Variants in TASP1 observed in about 807,000 individuals in gnomAD.
TASP1 encodes the protein threonine aspartase 1.
In TASP1, 16 loss-of-function variants were observed where a neutral mutation model predicts 56.6. The ratio of observed to expected loss-of-function variants is 0.28; its 90% confidence interval spans 0.19 to 0.43. The LOEUF (loss-of-function observed/expected upper bound fraction) is 0.43. Ranked by LOEUF, TASP1 falls within the 20% of genes least tolerant of loss-of-function variation. The probability of loss-of-function intolerance (pLI) is 1.00; values close to 1 mark genes in which losing one functional copy is unlikely to be tolerated. For synonymous variants in TASP1, 179 were observed against 184.2 expected (o/e 0.97, Z 0.23); for missense variants, 393 against 511.6 (o/e 0.77, Z 2.24).
intron 11 of TASP1, among the ~76,000 whole-genome samples, chr20:13,475,563 C>A (rs1318548297): frequency 2.0e-5 from 3 of 152,064 alleles, no homozygotes; most frequent in Non-Finnish European, 4.4e-5. Flanking sequence ...ATTTAAAACA[C>A]ACATTTCATA....
At chr20:13,517,902 C>A (rs992546196) in intron 10 of TASP1, among the ~76,000 whole-genome samples, 5 of 152,046 alleles carry the variant, frequency 3.3e-5, no homozygotes, top group African/African-American at 1.2e-4. Flanking sequence ...ATAATTACTT[C>A]AGTTCTTAGA....
the TASP1 span, among the ~76,000 whole-genome samples, chr20:13,118,448 GGA>G: frequency 9.2e-6 from 1 of 108,720 alleles, no homozygotes; most frequent in African/African-American, 3.6e-5. Flanking sequence ...AGAGGTTTGT[GGA>G]AAAAAAAAAC....
At chr20:13,495,691 G>T (rs976595867) in intron 10 of TASP1, among the ~76,000 whole-genome samples, 3 of 151,992 alleles carry the variant, frequency 2.0e-5, no homozygotes, top group African/African-American at 7.3e-5. Context: ...ACTCTTCAAG[G>T]TTTTCATTTG....
At chr20:13,146,927 CCT>C in the TASP1 span, among the ~76,000 whole-genome samples, 1 of 152,218 alleles carries the variant, frequency 6.6e-6, no homozygotes, top group Admixed American at 6.5e-5. Flanking sequence ...GATCTCCAAG[CCT>C]CTGTTTCCTC....
intron 8 of TASP1, among the ~76,000 whole-genome samples, chr20:13,552,028 A>C (rs1475581744): frequency 6.6e-6 from 1 of 152,238 alleles, no homozygotes; most frequent in East Asian, 1.9e-4. Flanking sequence ...ATTGAAGGAA[A>C]CATCACAGGA....
At chr20:13,222,147 TGTCTGTCACGG>T in the TASP1 span, among the ~76,000 whole-genome samples, 5 of 152,238 alleles carry the variant, frequency 3.3e-5, no homozygotes, top group East Asian at 9.7e-4. Flanking sequence ...CCTTCAGTTC[TGTCTGTCACGG>T]GTCAGGTGCG....
intron 8 of TASP1, among the ~76,000 whole-genome samples, chr20:13,551,926 T>C (rs1447785191): frequency 6.6e-6 from 1 of 152,162 alleles, no homozygotes; most frequent in Non-Finnish European, 1.5e-5. Flanking sequence ...GGCAATTTTG[T>C]AAGGGGAGAT....
At chr20:13,570,066 C>T (rs183323919) in intron 6 of TASP1, among the ~76,000 whole-genome samples, 302 of 152,148 alleles carry the variant, frequency 2.0e-3, no homozygotes, top group African/African-American at 6.8e-3. Flanking sequence ...CATTTCTAAG[C>T]CCTGATGCAA....
the TASP1 span, among the ~76,000 whole-genome samples, chr20:13,109,006 A>G: frequency 1.3e-5 from 2 of 152,196 alleles, no homozygotes; most frequent in African/African-American, 4.8e-5. Flanking sequence ...ACACAGTACA[A>G]ATATAATCAG....
At chr20:13,262,799 T>G in the TASP1 span, among the ~76,000 whole-genome samples, 49 of 152,276 alleles carry the variant, frequency 3.2e-4, no homozygotes, top group East Asian at 6.6e-3. Context: ...GGGTGGCCCC[T>G]CCACCTCAAA....
chr20:13,340,755 A>G, the TASP1 span, among the ~76,000 whole-genome samples: 1 of 152,202 alleles, frequency 6.6e-6, no homozygotes, highest in African/African-American at 2.4e-5. Flanking sequence ...GATCAAATAC[A>G]TGTCTTTTTG....
intron 13 of TASP1, among the ~76,000 whole-genome samples, chr20:13,396,076 C>G (rs1328439578): frequency 2.6e-5 from 4 of 152,106 alleles, no homozygotes; most frequent in African/African-American, 7.2e-5. Flanking sequence ...AAGAGAAGGG[C>G]TGGGGAAGTG....
At chr20:13,494,000 G>A (rs1265393429) in intron 10 of TASP1, among the ~76,000 whole-genome samples, 1 of 152,186 alleles carries the variant, frequency 6.6e-6, no homozygotes, top group African/African-American at 2.4e-5. Flanking sequence ...CTATGGTGGT[G>A]CTGCTAAGAT....
At chr20:13,503,440 T>C (rs2044018549) in intron 10 of TASP1, among the ~76,000 whole-genome samples, 1 of 152,142 alleles carries the variant, frequency 6.6e-6, no homozygotes, top group Non-Finnish European at 1.5e-5. Context: ...TTTAAGAGCG[T>C]CTCAGAATCC....
At chr20:13,258,629 G>C in the TASP1 span, among the ~76,000 whole-genome samples, 5 of 152,106 alleles carry the variant, frequency 3.3e-5, no homozygotes, top group African/African-American at 2.4e-5. Context: ...CTGAGAACTT[G>C]TGATTCTCTT....
chr20:13,187,368 G>A, the TASP1 span, among the ~76,000 whole-genome samples: 1 of 151,746 alleles, frequency 6.6e-6, no homozygotes, highest in Non-Finnish European at 1.5e-5. Flanking sequence ...ATAGATCTAG[G>A]AAGCTCAGAG....
chr20:13,626,025 C>A (rs1476375773), intron 2 of TASP1, among the ~76,000 whole-genome samples: 1 of 152,222 alleles, frequency 6.6e-6, no homozygotes, highest in Non-Finnish European at 1.5e-5. Context: ...CTTAAACTCT[C>A]TTAATTAGGC....
chr20:13,479,321 C>T (rs977922589), intron 11 of TASP1, among the ~76,000 whole-genome samples: 5 of 152,008 alleles, frequency 3.3e-5, no homozygotes, highest in African/African-American at 9.7e-5. Flanking sequence ...TTGTGGTTTC[C>T]ACAAAACCAA....
At chr20:13,164,483 A>G in the TASP1 span, 1 of 537,160 alleles carries the variant, frequency 1.9e-6, no homozygotes, top group African/African-American at 1.9e-5. Context: ...CATGGGTCAC[A>G]TGTTTTTATT....
Sources: allele counts gnomAD v4.1 joint callset (sites outside exome capture counted in the v4.1 genomes callset), GRCh38; gene constraint gnomAD v4.1.1; transcripts MANE v1.5; gene names NCBI Gene and HGNC (gene_info 2026-07-23, HGNC 2026-07-21).